PDE8A: variants seen among roughly 807,000 people sequenced by gnomAD.
PDE8A encodes the protein phosphodiesterase 8A, also known as high affinity cAMP-specific and IBMX-insensitive 3',5'-cyclic phosphodiesterase 8A.
Under a neutral mutation model 105.0 loss-of-function variants are expected in PDE8A, and 59 were observed. The observed-to-expected ratio is 0.56, with a 90% CI of 0.46 to 0.70. The LOEUF is 0.70. PDE8A is among the 30% of genes least tolerant of loss of function. The pLI is 0.00. For synonymous variants in PDE8A, 355 were observed against 371.9 expected, an observed-to-expected ratio of 0.95 and a Z score of 0.52; for missense variants, 1,014 against 1,045.9, an observed-to-expected ratio of 0.97 and a Z score of 0.42.
chr15:85,037,987 C>T (rs554429246), intron 1 of PDE8A, among the ~76,000 whole-genome samples: 2 of 152,284 alleles, frequency 1.3e-5, no homozygotes, highest in African/African-American at 2.4e-5. Flanking sequence ...CCCAACAATA[C>T]TCTTGAAATA....
intron 1 of PDE8A, among the ~76,000 whole-genome samples, chr15:84,993,442 C>CAA (rs11362736): frequency 0.21 from 14,937 of 72,710 alleles, 2,081 homozygotes; most frequent in Non-Finnish European, 0.28. Context: ...GACTCCATCT[C>CAA]AAAAAAAAAA....
intron 1 of PDE8A, among the ~76,000 whole-genome samples, chr15:85,020,442 A>G (rs1264478459): frequency 2.0e-5 from 3 of 152,152 alleles, no homozygotes; most frequent in South Asian, 2.1e-4. Context: ...TGTCTCTACT[A>G]AAAATACAAA....
intron 6 of PDE8A, 45 bp downstream of exon 6, chr15:85,083,689 G>A: frequency 8.2e-7 from 1 of 1,221,514 alleles, no homozygotes; most frequent in Non-Finnish European, 1.2e-6. Context: ...ATACAGGGCA[G>A]CATGGCAAGT....
At position 84,985,606 on chromosome 15, in the gene PDE8A, T is replaced by A. The variant is rs80191321; in HGVS notation, c.186+3258T>A. ...TTGCAAACACCCACTGCACTGCTAA[T>A]GATTGATGCTCCCCACACCCCAACT... On this transcript the variant is annotated intron_variant, in intron 1 of 21. Transcript: ENST00000394553. Among the ~76,000 whole-genome samples, 21 of 152,330 alleles carry A rather than the reference T, an allele frequency of 1.4e-4. No individual in the cohort carries two copies. The East Asian group carries it at 3.7e-3, about 27-fold the overall frequency.
chr15:85,117,517 C>T (rs2082114759), intron 16 of PDE8A, 124 bp from the exon 17 acceptor site: 5 of 792,768 alleles, frequency 6.3e-6, no homozygotes, highest in South Asian at 3.1e-5. Flanking sequence ...CCAGCACAGC[C>T]CAAGCAATCT....
chr15:85,066,958 A>G, intron 2 of PDE8A, 56 bp from the exon 3 acceptor site: 1 of 1,328,830 alleles, frequency 7.5e-7, no homozygotes, highest in Non-Finnish European at 1.1e-6. Flanking sequence ...AAAGTGTAAG[A>G]AATGACAATT....
intron 1 of PDE8A, chr15:85,064,128 A>G: frequency 4.6e-6 from 2 of 438,986 alleles, no homozygotes; most frequent in South Asian, 8.1e-5. Context: ...TAAAAGGCAA[A>G]GCCAGAATCA....
intron 20 of PDE8A, among the ~76,000 whole-genome samples, chr15:85,129,453 A>G (rs2082300932): frequency 6.6e-6 from 1 of 152,162 alleles, no homozygotes; most frequent in African/African-American, 2.4e-5. Context: ...TTTATGATTC[A>G]GTCCTGGTAG....
chr15:85,118,564 C>T (rs887815491), intron 17 of PDE8A, among the ~76,000 whole-genome samples: 1 of 152,202 alleles, frequency 6.6e-6, no homozygotes, highest in African/African-American at 2.4e-5. Flanking sequence ...TTGTCATTCC[C>T]AGGAGCAGCT....
intron 3 of PDE8A, among the ~76,000 whole-genome samples, chr15:85,070,768 AC>A (rs1210474493): frequency 6.6e-6 from 1 of 152,106 alleles, no homozygotes; most frequent in Non-Finnish European, 1.5e-5. Context: ...TGTGGACTCT[AC>A]CCCGTAGGTA....
At chr15:85,072,883 C>T (rs1447806490) in intron 3 of PDE8A, among the ~76,000 whole-genome samples, 1 of 152,186 alleles carries the variant, frequency 6.6e-6, no homozygotes, top group Non-Finnish European at 1.5e-5. Flanking sequence ...GAGGCCAAGG[C>T]AGGCAGATTG....
intron 4 of PDE8A, 41 bp downstream of exon 4, chr15:85,075,959 T>A: frequency 9.0e-7 from 1 of 1,111,634 alleles, no homozygotes; most frequent in Non-Finnish European, 1.4e-6. Context: ...GAGGTACCAG[T>A]GTAATACTTG....
chr15:85,060,552 A>G (rs1001599030), intron 1 of PDE8A, among the ~76,000 whole-genome samples: 8 of 152,240 alleles, frequency 5.3e-5, no homozygotes, highest in African/African-American at 1.7e-4. Flanking sequence ...GAGAATGGGA[A>G]TATGTTATAT....
intron 1 of PDE8A, among the ~76,000 whole-genome samples, chr15:85,047,580 A>T (rs2080906888): frequency 6.6e-6 from 1 of 152,046 alleles, no homozygotes; most frequent in Admixed American, 6.5e-5. Context: ...TGATATTGCT[A>T]AAATTTTTAC....
intron 11 of PDE8A, among the ~76,000 whole-genome samples, chr15:85,102,535 T>TTA (rs2081880468): frequency 6.6e-6 from 1 of 151,368 alleles, no homozygotes. Flanking sequence ...TTTTTTTTTT[T>TTA]AACTCTTAAG....
intron 1 of PDE8A, among the ~76,000 whole-genome samples, chr15:84,999,629 C>G (rs932275384): frequency 6.6e-6 from 1 of 151,882 alleles, no homozygotes; most frequent in African/African-American, 2.4e-5. Flanking sequence ...GGCTGGAGTT[C>G]AGTGGTGCAA....
At chr15:85,113,822 C>T (rs1225326963) in intron 13 of PDE8A, 51 bp from the exon 14 acceptor site, 1 of 1,415,648 alleles carries the variant, frequency 7.1e-7, no homozygotes, top group South Asian at 1.2e-5. Flanking sequence ...GCCTGGCTCT[C>T]CCACTGTTTT....
At chr15:85,010,373 C>G (rs1366640745) in intron 1 of PDE8A, among the ~76,000 whole-genome samples, 1 of 152,188 alleles carries the variant, frequency 6.6e-6, no homozygotes, top group Non-Finnish European at 1.5e-5. Context: ...TGTGCTTTAG[C>G]CTCAGTCTCA....
At chr15:85,124,458 C>T (rs536633332) in intron 19 of PDE8A, among the ~76,000 whole-genome samples, 1 of 152,324 alleles carries the variant, frequency 6.6e-6, no homozygotes, top group Non-Finnish European at 1.5e-5. Flanking sequence ...CAGCTCCTAT[C>T]ACCATCCTGA....
Sources: allele counts gnomAD v4.1 joint callset (sites outside exome capture counted in the v4.1 genomes callset), GRCh38; gene constraint gnomAD v4.1.1; transcripts MANE v1.5; gene names NCBI Gene and HGNC (gene_info 2026-07-23, HGNC 2026-07-21).